The following OXCT1 variants were observed in gnomAD, a reference collection of about 807,000 sequenced individuals.
OXCT1 encodes the protein 3-oxoacid CoA-transferase 1.
In OXCT1, 27 loss-of-function variants were observed where a neutral mutation model predicts 69.6. The ratio of observed to expected loss-of-function variants is 0.39; its 90% CI spans 0.29 to 0.54. The LOEUF is 0.54. Among genes scored for constraint, OXCT1 ranks in the 20% least tolerant of loss-of-function variants. The probability of loss-of-function intolerance (pLI) is 0.72; values close to 1 mark genes in which losing one functional copy is unlikely to be tolerated. For synonymous variants in OXCT1, 202 were observed against 217.8 expected (o/e 0.93, Z 0.64); for missense variants, 437 against 650.2 (o/e 0.67, Z 3.57).
chr5:41,860,544 A>C (rs1005118738), intron 3 of OXCT1, among the ~76,000 whole-genome samples: 4 of 152,158 alleles, frequency 2.6e-5, no homozygotes, highest in African/African-American at 9.7e-5. Flanking sequence ...AATGGGCACA[A>C]AAAAGTAGCA....
At chr5:41,734,385 T>C (rs976894260) in intron 16 of OXCT1, among the ~76,000 whole-genome samples, 2 of 152,186 alleles carry the variant, frequency 1.3e-5, no homozygotes, top group Non-Finnish European at 2.9e-5. Flanking sequence ...AAAACACCTA[T>C]TTTACATAGC....
intron 7 of OXCT1, among the ~76,000 whole-genome samples, chr5:41,829,017 G>GA (rs957018302): frequency 1.2e-4 from 18 of 150,784 alleles, no homozygotes; most frequent in Admixed American, 8.6e-4. Flanking sequence ...ATATTACAGA[G>GA]AAAAAAAAAT....
At position 41,794,294 on chromosome 5, in the gene OXCT1, C is replaced by A. The variant is rs1746072061; in HGVS notation, c.1173-216G>T. ...GTTACAGTATACATTGTTTCAATAA[C>A]AAACTATGAACAGGTGTACACAGGA... On this transcript the variant is annotated intron_variant, in intron 12 of 16. Coordinates refer to ENST00000196371, the MANE Select transcript of OXCT1 (RefSeq NM_000436.4). 3 of 612,864 alleles carry A rather than the reference C, an allele frequency of 4.9e-6. No homozygotes were observed. In the South Asian group the frequency reaches 6.0e-5, roughly 12 times the overall value. 38.0% of individuals were successfully genotyped at this position (612,864 alleles called of 1,614,324 possible). A position where few individuals can be genotyped will look rare whatever the true frequency, so the allele number is the denominator to read the frequency against.
At position 41,862,135 on chromosome 5, in the gene OXCT1, C is replaced by T. The variant is rs112201285; in HGVS notation, c.187+507G>A. ...CTAAGGCAGGAGAATGGCTTGAACC[C>T]GAGAGGCAGAGGTTGCAGTAAACTG... On this transcript the variant is annotated intron_variant, in intron 2 of 16. Coordinates refer to ENST00000196371, the MANE Select transcript of OXCT1 (RefSeq NM_000436.4). Among the ~76,000 whole-genome samples, 657 of 152,240 alleles carry T rather than the reference C, an allele frequency of 4.3e-3. 2 individuals are homozygous for T. Among genetic ancestry groups the T allele is most frequent in the Non-Finnish European group, 7.5e-3 (509 of 68,036 alleles).
intron 13 of OXCT1, 46 bp downstream of exon 13, chr5:41,793,957 A>C (rs373817856): frequency 1.2e-5 from 13 of 1,122,998 alleles, no homozygotes; most frequent in Non-Finnish European, 1.8e-5. Flanking sequence ...TTAAAATATA[A>C]TTATTCTGAT....
chr5:41,804,769 C>T (rs190204072), intron 9 of OXCT1, among the ~76,000 whole-genome samples: 161 of 152,198 alleles, frequency 1.1e-3, no homozygotes, highest in African/African-American at 3.7e-3. Context: ...GTCTGGAAGA[C>T]TGACATTCAT....
intron 1 of OXCT1, among the ~76,000 whole-genome samples, chr5:41,864,938 C>T (rs979477981): frequency 1.3e-5 from 2 of 152,178 alleles, no homozygotes; most frequent in Admixed American, 6.5e-5. Context: ...CACAGCTCAA[C>T]AGTCTGTGCA....
intron 3 of OXCT1, among the ~76,000 whole-genome samples, chr5:41,859,884 TATGTA>T (rs1749647468): frequency 8.5e-6 from 1 of 117,870 alleles, no homozygotes. Flanking sequence ...TATATATATA[TATGTA>T]ATATATATAT....
intron 3 of OXCT1, 119 bp from the exon 4 acceptor site, chr5:41,853,673 G>T: frequency 1.8e-6 from 2 of 1,125,558 alleles, no homozygotes; most frequent in Non-Finnish European, 2.6e-6. Flanking sequence ...ATAGGCATTT[G>T]ATCCACATTC....
At chr5:41,833,211 G>A (rs1010391026) in intron 7 of OXCT1, among the ~76,000 whole-genome samples, 5 of 152,042 alleles carry the variant, frequency 3.3e-5, no homozygotes, top group Non-Finnish European at 5.9e-5. Flanking sequence ...TACCTTTTGC[G>A]AGTTAATCAA....
chr5:41,803,189 A>G (rs1746504194), intron 9 of OXCT1, 26 bp from the exon 10 acceptor site: 4 of 1,439,448 alleles, frequency 2.8e-6, no homozygotes, highest in Non-Finnish European at 2.9e-6. Flanking sequence ...GTTAAGGTCC[A>G]GCATATAAAA....
chr5:41,793,757 A>T (rs1421687635), intron 13 of OXCT1, among the ~76,000 whole-genome samples: 1 of 152,058 alleles, frequency 6.6e-6, no homozygotes, highest in East Asian at 1.9e-4. Context: ...AGTCTTCTCT[A>T]ACTTGGTTTC....
At chr5:41,807,752 C>A (rs1347621446) in intron 7 of OXCT1, among the ~76,000 whole-genome samples, 3 of 152,024 alleles carry the variant, frequency 2.0e-5, no homozygotes, top group African/African-American at 7.2e-5. Context: ...GCAGCTTGAA[C>A]TTTCACAAAT....
rs772982372 is a variant in OXCT1, at chr5:41,794,071, C to T, written c.1180G>A (p.Val394Ile). 2.2e-5 allele frequency: 36 copies of T among 1,612,078 alleles called. No individual in the cohort carries two copies. Among genetic ancestry groups the T allele is most frequent in the Middle Eastern group, 1.6e-4 (1 of 6,082 alleles). Residue 394 changes from valine (V) to isoleucine (I), a missense_variant, in exon 13 of 17, where the codon GTC becomes ATC. By Grantham distance (29) the Val-to-Ile change is conservative. This residue lies in a region of OXCT1 where 102 missense variants were observed against 162.1 expected (regional missense o/e 0.63). Transcript: ENST00000196371. ...ESFAMIRGGH[V>I]DLTMLGAMQV... ...ATCGCTCCTAGCATTGTCAGATCGA[C>T]GTGTCCACTGAGAAAGAAAGAGGAA...
At chr5:41,767,713 T>C (rs1579693221) in intron 13 of OXCT1, among the ~76,000 whole-genome samples, 2 of 59,662 alleles carry the variant, frequency 3.4e-5, no homozygotes, top group South Asian at 1.4e-3. Context: ...ATCTAATATA[T>C]ATGTGTGTGT....
At chr5:41,756,052 A>C (rs1275038202) in intron 14 of OXCT1, among the ~76,000 whole-genome samples, 1 of 152,076 alleles carries the variant, frequency 6.6e-6, no homozygotes, top group Non-Finnish European at 1.5e-5. Flanking sequence ...AGGTAATCCA[A>C]ATTAAAAAAC....
At chr5:41,822,146 C>T (rs375560373) in intron 7 of OXCT1, among the ~76,000 whole-genome samples, 4 of 152,154 alleles carry the variant, frequency 2.6e-5, no homozygotes, top group Non-Finnish European at 4.4e-5. Flanking sequence ...GCAGGTGACA[C>T]GGATCTAGTA....
chr5:41,851,567 C>T (rs1163564020), intron 4 of OXCT1, among the ~76,000 whole-genome samples: 1 of 152,106 alleles, frequency 6.6e-6, no homozygotes, highest in Non-Finnish European at 1.5e-5. Flanking sequence ...TCCTTACCCT[C>T]ACCCACCAAA....
At chr5:41,840,566 C>G (rs1748580042) in intron 6 of OXCT1, 55 bp from the exon 7 acceptor site, 1 of 1,040,006 alleles carries the variant, frequency 9.6e-7, no homozygotes, top group South Asian at 1.3e-5. Context: ...AAATAAGCAT[C>G]TCTGTCACCT....
Sources: allele counts gnomAD v4.1 joint callset (sites outside exome capture counted in the v4.1 genomes callset), GRCh38; gene constraint gnomAD v4.1.1; regional missense constraint gnomAD v4.1.1; transcripts MANE v1.5; gene names NCBI Gene and HGNC (gene_info 2026-07-23, HGNC 2026-07-21).